Variants in DDX10 observed in about 807,000 individuals in gnomAD.
DDX10 encodes DEAD-box helicase 10, also known as probable ATP-dependent RNA helicase DDX10.
A neutral mutation model predicts 104.3 loss-of-function variants in DDX10; 74 were observed. The ratio of observed to expected loss-of-function variants is 0.71; its 90% CI spans 0.59 to 0.86. The LOEUF (loss-of-function observed/expected upper bound fraction) is 0.86. Among genes scored for constraint, DDX10 ranks in the 40% least tolerant of loss-of-function variants. The probability of loss-of-function intolerance (pLI) is 0.00; values close to 1 mark genes in which losing one functional copy is unlikely to be tolerated. For missense variants in DDX10, 952 were observed against 1,040.0 expected (o/e 0.92, Z 1.16); for synonymous variants, 351 against 353.4 (o/e 0.99, Z 0.08).
chr11:108,845,408 A>G (rs1862702819), intron 15 of DDX10, among the ~76,000 whole-genome samples: 1 of 152,174 alleles, frequency 6.6e-6, no homozygotes, highest in African/African-American at 2.4e-5. Flanking sequence ...TACTACTATA[A>G]TGACAATTCT....
At chr11:108,794,171 T>C (rs1271714725) in intron 13 of DDX10, among the ~76,000 whole-genome samples, 1 of 152,196 alleles carries the variant, frequency 6.6e-6, no homozygotes, top group African/African-American at 2.4e-5. Flanking sequence ...TTTGATAAAC[T>C]AATTGCTTTT....
intron 13 of DDX10, among the ~76,000 whole-genome samples, chr11:108,834,156 A>G (rs1261618834): frequency 2.0e-5 from 3 of 147,524 alleles, no homozygotes; most frequent in African/African-American, 7.5e-5. Flanking sequence ...TTTAGTAGAG[A>G]CTGAGTGTCA....
chr11:108,680,956 C>T (rs1465180214), intron 6 of DDX10, among the ~76,000 whole-genome samples: 5 of 152,086 alleles, frequency 3.3e-5, no homozygotes, highest in African/African-American at 1.2e-4. Flanking sequence ...GTTTTTTTCC[C>T]TTGGCTTACT....
intron 13 of DDX10, among the ~76,000 whole-genome samples, chr11:108,793,723 T>G (rs1196158249): frequency 2.0e-5 from 3 of 152,174 alleles, no homozygotes; most frequent in Non-Finnish European, 4.4e-5. Context: ...TATCAAACAT[T>G]AGAACTTACT....
At chr11:108,747,513 A>G (rs1427562963) in intron 13 of DDX10, among the ~76,000 whole-genome samples, 1 of 152,106 alleles carries the variant, frequency 6.6e-6, no homozygotes, top group Admixed American at 6.6e-5. Flanking sequence ...AGAAACATGG[A>G]GAGAAGAGTT....
At chr11:108,707,464 A>T (rs2094277666) in intron 10 of DDX10, among the ~76,000 whole-genome samples, 1 of 152,148 alleles carries the variant, frequency 6.6e-6, no homozygotes, top group South Asian at 2.1e-4. Context: ...TCCTTTTAGT[A>T]CTGAATAACA....
At chr11:108,668,384 T>C (rs1277793235) in intron 1 of DDX10, among the ~76,000 whole-genome samples, 2 of 152,140 alleles carry the variant, frequency 1.3e-5, no homozygotes, top group Non-Finnish European at 2.9e-5. Context: ...AGCAGCTTTT[T>C]CCCCCGCTAA....
intron 15 of DDX10, among the ~76,000 whole-genome samples, chr11:108,845,523 A>G (rs1353940789): frequency 1.3e-5 from 2 of 152,140 alleles, no homozygotes; most frequent in African/African-American, 4.8e-5. Flanking sequence ...ATTGAGAAGA[A>G]CTGTATGTCC....
intron 8 of DDX10, 101 bp downstream of exon 8, chr11:108,692,139 T>A (rs1278243186): frequency 5.5e-6 from 6 of 1,089,272 alleles, no homozygotes; most frequent in Non-Finnish European, 7.7e-6. Flanking sequence ...CACTTGGGTT[T>A]CTTTTCTTAT....
chr11:108,776,665 G>T (rs144509434), intron 13 of DDX10, among the ~76,000 whole-genome samples: 1 of 152,146 alleles, frequency 6.6e-6, no homozygotes, highest in African/African-American at 2.4e-5. Flanking sequence ...CAATACTCAC[G>T]TGAGATCCTT....
chr11:108,726,277 C>G (rs773610309), intron 13 of DDX10, among the ~76,000 whole-genome samples: 7 of 151,944 alleles, frequency 4.6e-5, no homozygotes, highest in Non-Finnish European at 1.0e-4. Context: ...AAAAGCTTGC[C>G]GATGACTTCA....
intron 13 of DDX10, among the ~76,000 whole-genome samples, chr11:108,761,437 C>T (rs1406743931): frequency 6.6e-6 from 1 of 152,186 alleles, no homozygotes; most frequent in East Asian, 1.9e-4. Context: ...TCAGGACTCT[C>T]TAAATGGCTT....
At chr11:108,779,998 G>T (rs1045615135) in intron 13 of DDX10, among the ~76,000 whole-genome samples, 2 of 152,132 alleles carry the variant, frequency 1.3e-5, no homozygotes, top group African/African-American at 4.8e-5. Flanking sequence ...ACCTATTTTA[G>T]CCTCATTTTC....
intron 13 of DDX10, among the ~76,000 whole-genome samples, chr11:108,827,738 T>A (rs1275762383): frequency 6.6e-6 from 1 of 152,186 alleles, no homozygotes; most frequent in Non-Finnish European, 1.5e-5. Context: ...CAGCCGAAAC[T>A]TCTTCTCCTT....
At chr11:108,706,635 TG>T in intron 9 of DDX10, 103 bp from the exon 10 acceptor site, 1 of 850,076 alleles carries the variant, frequency 1.2e-6, no homozygotes, top group Non-Finnish European at 2.0e-6. Context: ...CTGACATTTA[TG>T]GTTAGACAAA....
At chr11:108,832,656 C>G in intron 13 of DDX10, among the ~76,000 whole-genome samples, 1 of 152,350 alleles carries the variant, frequency 6.6e-6, no homozygotes, top group East Asian at 1.9e-4. Flanking sequence ...TAATAATATA[C>G]TTAGCTGCAG....
chr11:108,795,238 A>G (rs1419985945), intron 13 of DDX10, among the ~76,000 whole-genome samples: 1 of 145,624 alleles, frequency 6.9e-6, no homozygotes, highest in East Asian at 2.0e-4. Flanking sequence ...AAGTTAGTGT[A>G]GCAGCATTTT....
chr11:108,751,311 G>A (rs1402632342), intron 13 of DDX10, among the ~76,000 whole-genome samples: 1 of 151,878 alleles, frequency 6.6e-6, no homozygotes, highest in African/African-American at 2.4e-5. Context: ...GTAGGTATAG[G>A]TATCTAAAGA....
chr11:108,909,311 G>A (rs991452712), intron 16 of DDX10, among the ~76,000 whole-genome samples: 8 of 151,988 alleles, frequency 5.3e-5, no homozygotes, highest in Admixed American at 3.3e-4. Flanking sequence ...ACCCAGGAAG[G>A]GCATGGAAGT....
Sources: gnomAD v4.1 joint callset for allele counts (sites outside exome capture counted in the v4.1 genomes callset) on GRCh38, gnomAD v4.1.1 for gene constraint, MANE v1.5 for transcripts, NCBI Gene and HGNC (gene_info 2026-07-23, HGNC 2026-07-21) for gene names.